RBMS3: variants seen among roughly 807,000 people sequenced by gnomAD.
RBMS3 encodes RNA-binding motif, single-stranded-interacting protein 3.
In RBMS3, 27 loss-of-function variants were observed where a neutral mutation model predicts 66.8. The observed-to-expected ratio is 0.40, with a 90% CI of 0.30 to 0.56. The LOEUF (loss-of-function observed/expected upper bound fraction) is 0.56, where lower values mean the gene tolerates loss of function less well. Among genes scored for constraint, RBMS3 ranks in the 20% least tolerant of loss-of-function variants. The pLI is 0.40. For missense variants in RBMS3, 513 were observed against 549.5 expected, an observed-to-expected ratio of 0.93 and a Z score of 0.66; for synonymous variants, 188 against 183.0, an observed-to-expected ratio of 1.03 and a Z score of -0.22.
chr3:29,537,155 T>C (rs1408272899), intron 3 of RBMS3, among the ~76,000 whole-genome samples: 2 of 152,062 alleles, frequency 1.3e-5, no homozygotes, highest in Admixed American at 1.3e-4. Context: ...TAAAGGGGAA[T>C]GAAAGAGAAG....
intron 2 of RBMS3, among the ~76,000 whole-genome samples, chr3:29,471,397 T>C (rs1258567397): frequency 2.6e-5 from 4 of 152,194 alleles, no homozygotes; most frequent in Non-Finnish European, 5.9e-5. Context: ...TCCTGTGGCA[T>C]GTGAAAAGTA....
intron 3 of RBMS3, among the ~76,000 whole-genome samples, chr3:29,514,650 C>CATATATATAGATATAT (rs2044540451): frequency 9.6e-6 from 1 of 103,690 alleles, no homozygotes; most frequent in Non-Finnish European, 1.8e-5. Flanking sequence ...GTGATAGGCA[C>CATATATATAGATATAT]ATATATATAT....
chr3:29,916,753 T>C (rs1230942532), intron 10 of RBMS3, among the ~76,000 whole-genome samples: 1 of 152,044 alleles, frequency 6.6e-6, no homozygotes, highest in Admixed American at 6.6e-5. Context: ...AAAATGTATG[T>C]GTATTTGAAA....
chr3:29,324,782 C>T (rs906638805), intron 1 of RBMS3, among the ~76,000 whole-genome samples: 1 of 151,964 alleles, frequency 6.6e-6, no homozygotes, highest in African/African-American at 2.4e-5. Context: ...TTCCTTCTTT[C>T]TCTTTGCTTA....
At chr3:29,703,047 CG>C (rs1383786688) in intron 4 of RBMS3, among the ~76,000 whole-genome samples, 1 of 152,070 alleles carries the variant, frequency 6.6e-6, no homozygotes, top group Non-Finnish European at 1.5e-5. Flanking sequence ...CTGATGCAGA[CG>C]ATGTTTTGAG....
intron 11 of RBMS3, among the ~76,000 whole-genome samples, chr3:29,939,060 G>A (rs1212951000): frequency 6.6e-6 from 1 of 151,944 alleles, no homozygotes; most frequent in East Asian, 1.9e-4. Flanking sequence ...GTAACACACA[G>A]TAAAATCCAT....
intron 12 of RBMS3, among the ~76,000 whole-genome samples, chr3:29,987,511 T>C (rs1396481908): frequency 6.6e-6 from 1 of 152,132 alleles, no homozygotes; most frequent in Non-Finnish European, 1.5e-5. Flanking sequence ...TTAAAGGTAT[T>C]GGAAAGGAAA....
Position 29,281,262 on chromosome 3 carries a change from G to GA in RBMS3, c.-419dup, listed in dbSNP as rs2031744970. 1 of 161,638 alleles carries GA rather than the reference G, an allele frequency of 6.2e-6. No individual in the cohort carries two copies. The highest frequency in any genetic ancestry group is 1.3e-5 in the Non-Finnish European group (1 of 76,646). The allele number at this position is 161,638 out of a possible 1,614,324, so 10.0% of individuals were successfully genotyped here. A position where few individuals can be genotyped will look rare whatever the true frequency, so the allele number is the denominator to read the frequency against. On this transcript the variant is annotated 5_prime_UTR_variant, in exon 1 of 15. Coordinates refer to ENST00000383767, the MANE Select transcript of RBMS3 (RefSeq NM_001003793.3). ...AAGGTGGGGAAAGAGACAACCAAGA[G>GA]ACAGGAAGCTGATCTGCAAGGATTC...
At chr3:29,853,884 A>T (rs2059007347) in intron 6 of RBMS3, among the ~76,000 whole-genome samples, 1 of 152,142 alleles carries the variant, frequency 6.6e-6, no homozygotes, top group Admixed American at 6.5e-5. Context: ...AGTTCCTGCC[A>T]GGGAGACCTG....
chr3:29,610,883 A>G (rs1462055888), intron 4 of RBMS3, among the ~76,000 whole-genome samples: 3 of 152,040 alleles, frequency 2.0e-5, no homozygotes, highest in Non-Finnish European at 4.4e-5. Flanking sequence ...ATCTACACAC[A>G]TATTTTCTAC....
intron 6 of RBMS3, among the ~76,000 whole-genome samples, chr3:29,847,475 A>G (rs1559733263): frequency 1.3e-5 from 2 of 152,264 alleles, no homozygotes; most frequent in East Asian, 3.9e-4. Context: ...CTAGGCCAAG[A>G]TCTATAATTT....
chr3:29,526,596 C>T (rs1002072365), intron 3 of RBMS3, among the ~76,000 whole-genome samples: 3 of 131,808 alleles, frequency 2.3e-5, no homozygotes, highest in African/African-American at 8.3e-5. Flanking sequence ...TGGCCCACAT[C>T]TGGTCTTCTA....
At chr3:29,690,013 A>G (rs1433796946) in intron 4 of RBMS3, among the ~76,000 whole-genome samples, 1 of 150,814 alleles carries the variant, frequency 6.6e-6, no homozygotes, top group East Asian at 1.9e-4. Context: ...CTGGCTAACC[A>G]AAAGAAATGA....
At chr3:29,571,129 T>C (rs2046938882) in intron 3 of RBMS3, among the ~76,000 whole-genome samples, 1 of 152,164 alleles carries the variant, frequency 6.6e-6, no homozygotes, top group Non-Finnish European at 1.5e-5. Context: ...ATGTCACCCT[T>C]GAAAAATTTC....
At chr3:29,422,361 GA>G (rs1375818351) in intron 1 of RBMS3, among the ~76,000 whole-genome samples, 1 of 138,900 alleles carries the variant, frequency 7.2e-6, no homozygotes, top group East Asian at 2.1e-4. Context: ...TATTACTAGG[GA>G]TAGTTCCTTC....
chr3:29,634,749 A>G (rs1245151286), intron 4 of RBMS3, among the ~76,000 whole-genome samples: 2 of 151,830 alleles, frequency 1.3e-5, no homozygotes, highest in African/African-American at 4.8e-5. Flanking sequence ...TGGGGGAACC[A>G]TAACCAGGAC....
chr3:29,762,852 C>T, intron 5 of RBMS3, 58 bp from the exon 6 acceptor site: 3 of 1,203,804 alleles, frequency 2.5e-6, no homozygotes, highest in Non-Finnish European at 3.6e-6. Context: ...TCCTTTACTT[C>T]TTAAGTTTCT....
intron 4 of RBMS3, among the ~76,000 whole-genome samples, chr3:29,596,671 G>A (rs1352607471): frequency 2.0e-5 from 3 of 152,198 alleles, no homozygotes; most frequent in South Asian, 2.1e-4. Context: ...GAGATCATAA[G>A]TCTGTTAATG....
chr3:29,818,348 A>G (rs1019962464), intron 6 of RBMS3, among the ~76,000 whole-genome samples: 1 of 151,790 alleles, frequency 6.6e-6, no homozygotes, highest in African/African-American at 2.4e-5. Flanking sequence ...TTTTTTTTCA[A>G]AACTGTGAGA....
Sources: allele counts gnomAD v4.1 joint callset (sites outside exome capture counted in the v4.1 genomes callset), GRCh38; gene constraint gnomAD v4.1.1; transcripts MANE v1.5; gene names NCBI Gene and HGNC (gene_info 2026-07-23, HGNC 2026-07-21).